The following STK11IP variants were observed in gnomAD, a reference collection of about 807,000 sequenced individuals.
STK11IP encodes serine/threonine kinase 11 interacting protein.
Under a neutral mutation model 131.7 loss-of-function variants are expected in STK11IP, and 103 were observed. That is an observed-to-expected ratio of 0.78 (90% CI 0.67 to 0.92). The LOEUF is 0.92. STK11IP is among the 40% of genes least tolerant of loss of function. STK11IP has a pLI of 0.00. For missense variants in STK11IP, 1,315 were observed against 1,385.7 expected, an observed-to-expected ratio of 0.95 and a Z score of 0.81; for synonymous variants, 557 against 575.6, an observed-to-expected ratio of 0.97 and a Z score of 0.46.
Position 219,608,426 on chromosome 2 carries a change from G to A in STK11IP, c.1599G>A (p.Val533=). 1.9e-6 allele frequency: 3 copies of A among 1,559,814 alleles called. No homozygotes were observed. The highest frequency in any genetic ancestry group is 2.6e-6 in the Non-Finnish European group (3 of 1,152,744). Residue 533 remains valine, a synonymous_variant, in exon 14 of 25, where the codon GTG becomes GTA. Coordinates refer to ENST00000456909, the MANE Select transcript of STK11IP (RefSeq NM_052902.4). ...EEEEEQDQKE[V]EAELCRPLLV... is the part of the protein sequence containing the mutation. ...AAGAGGAGCAGGACCAGAAGGAAGT[G>A]GAAGGTGAGCCCTTTGTGGGCTGGG...
intron 5 of STK11IP, 150 bp downstream of exon 5, chr2:219,602,233 T>A (rs750654100): frequency 3.0e-6 from 2 of 664,220 alleles, no homozygotes; most frequent in Non-Finnish European, 5.2e-6. Context: ...CGCAGCACTC[T>A]GTAACTGCCT....
chr2:219,616,009 A>G, intron 24 of STK11IP, 35 bp from the exon 25 acceptor site: 1 of 1,607,766 alleles, frequency 6.2e-7, no homozygotes, highest in Non-Finnish European at 8.5e-7. Context: ...TGTGGTCCCC[A>G]TGAGCCTCGC....
At chr2:219,599,251 G>A (rs1697899238) in intron 2 of STK11IP, among the ~76,000 whole-genome samples, 1 of 152,018 alleles carries the variant, frequency 6.6e-6, no homozygotes, top group South Asian at 2.1e-4. Flanking sequence ...ACCATGACCG[G>A]CTAATTTTTG....
chr2:219,604,960 G>T (rs1698101996), intron 7 of STK11IP, among the ~76,000 whole-genome samples: 1 of 152,106 alleles, frequency 6.6e-6, no homozygotes, highest in African/African-American at 2.4e-5. Context: ...CTCCCAAGTA[G>T]CTGGGATTAC....
Position 219,614,486 on chromosome 2 carries a change from G to A in STK11IP, c.2809G>A (p.Glu937Lys), listed in dbSNP as rs1361803299. The A allele has an allele frequency of 6.2e-7, 1 of 1,613,814 alleles. No homozygotes were observed. Among genetic ancestry groups the A allele is most frequent in the South Asian group, 1.1e-5 (1 of 91,084 alleles). Residue 937 changes from glutamate (E) to lysine (K), a missense_variant, in exon 23 of 25, where the codon GAA (glutamate) becomes AAA (lysine). Glu to Lys is a moderately conservative substitution (Grantham distance 56). Coordinates refer to ENST00000456909, the MANE Select transcript of STK11IP (RefSeq NM_052902.4). ...CCATATTCCCTCTAGGCCATTGCTGGAAAAAGACTCATCCTTGGAGGCTCG... is the reference window on the plus strand; with the variant it reads ...CCATATTCCCTCTAGGCCATTGCTGAAAAAAGACTCATCCTTGGAGGCTCG... ...TPQHRLWPLL[E>K]KDSSLEARQF... is the part of the protein sequence containing the mutation.
chr2:219,605,722 C>A lies in STK11IP; in HGVS notation c.733C>A (p.Arg245=). Residue 245 remains arginine, a synonymous_variant, in exon 8 of 25, where the codon CGG becomes AGG. Transcript: ENST00000456909. ...CCTGATACTGCGAGGCAATGAGCTT[C>A]GGAGCCTGCATGGTGAGTGGGGGTG... ...GVLILRGNEL[R]SLHGLEQLRN... The A allele has an allele frequency of 6.3e-7, 1 of 1,595,024 alleles. No individual in the cohort carries two copies.
At chr2:219,613,538 G>A (rs1247383179) in intron 20 of STK11IP, among the ~76,000 whole-genome samples, 3 of 63,748 alleles carry the variant, frequency 4.7e-5, no homozygotes. Flanking sequence ...TGGGGTGAGT[G>A]GGGGGCGGAG....
At chr2:219,607,520 G>A (rs1161853368) in intron 13 of STK11IP, among the ~76,000 whole-genome samples, 5 of 152,010 alleles carry the variant, frequency 3.3e-5, no homozygotes, top group Non-Finnish European at 7.4e-5. Flanking sequence ...TTAGCCTGAC[G>A]TGGTGGTGTG....
intron 2 of STK11IP, among the ~76,000 whole-genome samples, 183 bp from the exon 3 acceptor site, chr2:219,601,052 T>G (rs138676280): frequency 2.0e-5 from 3 of 152,338 alleles, no homozygotes; most frequent in African/African-American, 7.2e-5. Context: ...GTTAGGACTT[T>G]TTTTGAAGAT....
intron 13 of STK11IP, 52 bp downstream of exon 13, chr2:219,607,189 A>G (rs1172455682): frequency 3.2e-6 from 5 of 1,557,240 alleles, no homozygotes; most frequent in Non-Finnish European, 4.4e-6. Flanking sequence ...AGCTCACTCT[A>G]ATTTTTAAGT....
Position 219,612,693 on chromosome 2 carries a change from C to T in STK11IP, c.2440-435C>T, listed in dbSNP as rs889589118. ...GGAGAACTGCCCAGGATGAGGGCACCTGGACATGCAGGGCGAGGGGCAGGG... is the reference window on the plus strand; with the variant it reads ...GGAGAACTGCCCAGGATGAGGGCACTTGGACATGCAGGGCGAGGGGCAGGG... On this transcript the variant is annotated intron_variant, in intron 19 of 24. Transcript: ENST00000456909. Among the ~76,000 whole-genome samples, 3 of 152,170 alleles carry T rather than the reference C, an allele frequency of 2.0e-5. 1 individual carries two copies. The East Asian group carries it at 5.8e-4, about 29-fold the overall frequency.
rs751516863 is a variant in STK11IP at position 219,609,222 on chromosome 2, G to A, written c.1926+9G>A. 9 of 1,589,280 alleles carry A rather than the reference G, an allele frequency of 5.7e-6. No homozygotes were observed. The highest frequency in any genetic ancestry group is 2.7e-5 in the African/African-American group (2 of 74,388). Reference sequence around the variant, plus strand: ...CCCACGCAGCTGTCCAGGTGATGGCGCCCAGAGTGGGGGCCCAGGAGGCTG... The same window carrying A: ...CCCACGCAGCTGTCCAGGTGATGGCACCCAGAGTGGGGGCCCAGGAGGCTG... On this transcript the variant is annotated intron_variant, in intron 16 of 24. Transcript: ENST00000456909.
rs750577551 is a variant in STK11IP, at chr2:219,612,012, T to C, written c.2393T>C (p.Val798Ala). The C allele has an allele frequency of 6.2e-7, 1 of 1,605,982 alleles. No individual in the cohort carries two copies. Among genetic ancestry groups the C allele is most frequent in the Non-Finnish European group, 8.5e-7 (1 of 1,177,036 alleles). The change falls in exon 19 of 25, where the codon GTT becomes GCT. Residue 798 changes from valine (V) to alanine (A), a missense_variant. Coordinates refer to ENST00000456909, the MANE Select transcript of STK11IP (RefSeq NM_052902.4). ...CACCGACTCCGGCTCTTCCTGGATG[T>C]TGAGGTGTTCAGCGATGCCCAGGAG... ...VDHRLRLFLD[V>A]EVFSDAQEEF...
At chr2:219,606,432 A>T in intron 10 of STK11IP, 44 bp from the exon 11 acceptor site, 1 of 1,597,064 alleles carries the variant, frequency 6.3e-7, no homozygotes, top group Non-Finnish European at 8.5e-7. Context: ...GCTCAGCAGG[A>T]TGGGCCTACC....
At chr2:219,609,586 TC>T in intron 17 of STK11IP, 46 bp downstream of exon 17, 1 of 1,549,826 alleles carries the variant, frequency 6.5e-7, no homozygotes, top group South Asian at 1.2e-5. Flanking sequence ...CCTCCCCTGT[TC>T]CAGGGAAAGT....
chr2:219,597,909 A>C lies in STK11IP; in HGVS notation c.-41A>C. The C allele has an allele frequency of 6.2e-7, 1 of 1,612,056 alleles. No individual in the cohort carries two copies. Among genetic ancestry groups the C allele is most frequent in the Non-Finnish European group, 8.5e-7 (1 of 1,179,134 alleles). ...GGGCAGCTGAGCTGGTAGGAGGACC[A>C]GACGGGGAGGTTCGGTATGTCTGAC... is the stretch of plus-strand genomic sequence containing the variant. On this transcript the variant is annotated 5_prime_UTR_variant, in exon 1 of 25. Transcript: ENST00000456909.
chr2:219,606,886 C>A, intron 12 of STK11IP, 28 bp downstream of exon 12: 2 of 1,596,118 alleles, frequency 1.3e-6, no homozygotes, highest in East Asian at 2.2e-5. Context: ...CTGCCTTGTG[C>A]CTGCGGTTGG....
intron 24 of STK11IP, chr2:219,615,651 C>T (rs1443032346): frequency 7.7e-6 from 5 of 649,010 alleles, no homozygotes; most frequent in African/African-American, 3.6e-5. Flanking sequence ...GTATGCCAGC[C>T]GTTTGGCCTT....
In STK11IP at chr2:219,606,753, G is replaced by A; in HGVS notation, c.1029G>A (p.Leu343=). ...GGCTCAGCCCCATGGGCCCACCTTT[G>A]CCCTGGCCAGTGGGGAGTACTCCTG... ...SLGLSPMGPP[L]PWPVGSTPET... is the part of the protein sequence containing the mutation. The change falls in exon 12 of 25, where the codon TTG becomes TTA. Residue 343 remains leucine (L), a synonymous_variant. Transcript: ENST00000456909. 1 of 1,613,690 alleles carries A rather than the reference G, an allele frequency of 6.2e-7. No individual in the cohort carries two copies. Among genetic ancestry groups the A allele is most frequent in the Non-Finnish European group, 8.5e-7 (1 of 1,179,770 alleles).
Sources: allele counts gnomAD v4.1 joint callset (sites outside exome capture counted in the v4.1 genomes callset), GRCh38; gene constraint gnomAD v4.1.1; transcripts MANE v1.5; gene names NCBI Gene and HGNC (gene_info 2026-07-23, HGNC 2026-07-21).